BIRC6: variants seen among roughly 807,000 people sequenced by gnomAD.
BIRC6 encodes baculoviral IAP repeat containing 6, also known as dual E2 ubiquitin-conjugating enzyme/E3 ubiquitin-protein ligase BIRC6.
BIRC6 carries 98 observed loss-of-function variants against 503.3 expected under a neutral mutation model. That is an observed-to-expected ratio of 0.19 (90% confidence interval 0.17 to 0.23). The LOEUF is 0.23. Ranked by LOEUF, BIRC6 falls within the 10% of genes least tolerant of loss-of-function variation. The probability of loss-of-function intolerance (pLI) is 1.00; values close to 1 mark genes in which losing one functional copy is unlikely to be tolerated. For synonymous variants in BIRC6, 2,240 were observed against 2,078.7 expected, an observed-to-expected ratio of 1.08 and a Z score of -2.11; for missense variants, 5,360 against 5,806.0, an observed-to-expected ratio of 0.92 and a Z score of 2.50.
chr2:32,512,845 T>C, intron 53 of BIRC6, 88 bp from the exon 54 acceptor site: 1 of 952,520 alleles, frequency 1.0e-6, no homozygotes, highest in Non-Finnish European at 1.7e-6. Context: ...ATAAATACCC[T>C]ACTCACCATG....
intron 39 of BIRC6, among the ~76,000 whole-genome samples, chr2:32,483,132 G>C (rs1227150508): frequency 6.6e-6 from 1 of 152,008 alleles, no homozygotes; most frequent in Non-Finnish European, 1.5e-5. Flanking sequence ...GGCCAGGCTG[G>C]TCTCGAACTT....
At chr2:32,431,345 A>C (rs892777735) in intron 12 of BIRC6, among the ~76,000 whole-genome samples, 1 of 151,308 alleles carries the variant, frequency 6.6e-6, no homozygotes, top group Non-Finnish European at 1.5e-5. Flanking sequence ...ACAGGTGCGC[A>C]TCACCACGTC....
At chr2:32,558,971 A>G (rs1218735022) in intron 65 of BIRC6, 1 of 151,934 alleles carries the variant, frequency 6.6e-6, no homozygotes, top group Non-Finnish European at 1.5e-5. Context: ...GCTAATGTTT[A>G]TGGTTATTTC....
At position 32,543,227 on chromosome 2, in the gene BIRC6, T is replaced by C. The variant is rs560500196; in HGVS notation, c.12292-14T>C. 6.2e-7 allele frequency: 1 copy of C among 1,609,204 alleles called. No homozygotes were observed. The highest frequency in any genetic ancestry group is 1.3e-5 in the African/African-American group (1 of 74,852). On this transcript the variant is annotated splice_polypyrimidine_tract_variant and intron_variant, in intron 61 of 73. Transcript: ENST00000421745. Reference sequence around the variant, plus strand: ...AATGTGAATGGCCAAGCCAACACTTTTCTTTTTCTTTAGGTGAGTGCTCCA... The same window carrying C: ...AATGTGAATGGCCAAGCCAACACTTCTCTTTTTCTTTAGGTGAGTGCTCCA...
chr2:32,443,424 C>G lies in BIRC6; in HGVS notation c.4239-67C>G, dbSNP rs2045626194. On this transcript the variant is annotated intron_variant, in intron 19 of 73. Coordinates refer to ENST00000421745, the MANE Select transcript of BIRC6 (RefSeq NM_016252.4). ...TTTTAAAGATTTTTAGGTACCACAC[C>G]AGGTTTAGGGTTGAATTTAGACCTT... The G allele has an allele frequency of 5.6e-6, 6 of 1,075,184 alleles. No homozygotes were observed. The Admixed American group carries it at 1.3e-4, about 24-fold the overall frequency. The allele number at this position is 1,075,184 out of a possible 1,614,324, so 66.6% of individuals were successfully genotyped here.
At chr2:32,539,495 C>A (rs1559007379) in intron 61 of BIRC6, among the ~76,000 whole-genome samples, 1 of 152,152 alleles carries the variant, frequency 6.6e-6, no homozygotes, top group East Asian at 1.9e-4. Context: ...GTGACCACAT[C>A]AGAATTAAAT....
chr2:32,514,818 A>G (rs910178443), intron 54 of BIRC6, among the ~76,000 whole-genome samples, 172 bp from the exon 55 acceptor site: 4 of 152,030 alleles, frequency 2.6e-5, no homozygotes, highest in African/African-American at 4.8e-5. Context: ...AAATATATAT[A>G]TGTGTGTCTA....
intron 73 of BIRC6, among the ~76,000 whole-genome samples, chr2:32,615,818 A>G (rs2063191440): frequency 6.6e-6 from 1 of 151,996 alleles, no homozygotes. Context: ...TATTTTTTGT[A>G]GAGACGGGGT....
chr2:32,420,992 TTTG>T (rs2042888235), intron 10 of BIRC6, among the ~76,000 whole-genome samples: 1 of 151,810 alleles, frequency 6.6e-6, no homozygotes, highest in Non-Finnish European at 1.5e-5. Context: ...CATTTTTTTC[TTTG>T]TTATTTTTCT....
At chr2:32,525,708 A>G (rs1388680282) in intron 59 of BIRC6, 80 bp downstream of exon 59, 2 of 1,369,942 alleles carry the variant, frequency 1.5e-6, no homozygotes, top group Non-Finnish European at 2.0e-6. Flanking sequence ...AGTCACCAAA[A>G]TCATTTTAAT....
intron 65 of BIRC6, chr2:32,565,827 C>T (rs1453243725): frequency 1.3e-5 from 2 of 152,154 alleles, no homozygotes; most frequent in Non-Finnish European, 2.9e-5. Context: ...CAGAGCAACG[C>T]AGTGAGAGCC....
intron 24 of BIRC6, 98 bp from the exon 25 acceptor site, chr2:32,464,411 A>AATC: frequency 7.6e-7 from 1 of 1,319,264 alleles, no homozygotes; most frequent in Non-Finnish European, 1.0e-6. Flanking sequence ...TGATCAATTT[A>AATC]ATCATGTTTA....
chr2:32,389,610 C>G (rs1382406655), intron 4 of BIRC6, among the ~76,000 whole-genome samples: 9 of 152,324 alleles, frequency 5.9e-5, no homozygotes, highest in Admixed American at 1.3e-4. Context: ...GAGGTTCTTA[C>G]AAAAAGTACC....
intron 6 of BIRC6, among the ~76,000 whole-genome samples, chr2:32,398,436 TC>T (rs1236418052): frequency 2.0e-5 from 3 of 152,178 alleles, no homozygotes; most frequent in Non-Finnish European, 4.4e-5. Flanking sequence ...AAGAAATCTT[TC>T]GTGTTAATAG....
intron 23 of BIRC6, among the ~76,000 whole-genome samples, chr2:32,461,414 C>A (rs1488312193): frequency 1.4e-5 from 2 of 147,986 alleles, no homozygotes; most frequent in African/African-American, 2.5e-5. Flanking sequence ...CCATGTTGAC[C>A]AAGCTGGTCT....
intron 12 of BIRC6, among the ~76,000 whole-genome samples, chr2:32,433,408 A>T (rs2044354421): frequency 6.6e-6 from 1 of 152,204 alleles, no homozygotes; most frequent in African/African-American, 2.4e-5. Context: ...AGGAATAAGA[A>T]TGTATTGGTA....
At position 32,432,346 on chromosome 2, in the gene BIRC6, C is replaced by T. The variant is rs187654616; in HGVS notation, c.3248+1256C>T. ...CAGAGAATTGCTTGATCCTGGGAGG[C>T]GGAGGCTGCAGTAAGCCAAGATTAC... is the stretch of plus-strand genomic sequence containing the variant. On this transcript the variant is annotated intron_variant, in intron 12 of 73. Coordinates refer to ENST00000421745, the MANE Select transcript of BIRC6 (RefSeq NM_016252.4). 2.2e-4 allele frequency among the ~76,000 whole-genome samples: 33 copies of T among 152,152 alleles called. No individual in the cohort carries two copies. The East Asian group carries it at 5.4e-3, about 25-fold the overall frequency.
At chr2:32,483,019 G>A (rs1204144757) in intron 39 of BIRC6, among the ~76,000 whole-genome samples, 2 of 151,746 alleles carry the variant, frequency 1.3e-5, no homozygotes, top group Non-Finnish European at 2.9e-5. Context: ...CCAGGTCGAG[G>A]GGCTTCTCTT....
rs1437385494 is a variant in BIRC6, at chr2:32,464,727, T to C, written c.5160T>C (p.Ile1720=). The part of the protein sequence containing the change: ...TPPNEAVSVV[I]NAELAQLFPG... ...CCAATGAAGCAGTTTCCGTTGTGATTAATGCCGAACTTGCACAGCTTTTCC... is the reference window on the plus strand; with the variant it reads ...CCAATGAAGCAGTTTCCGTTGTGATCAATGCCGAACTTGCACAGCTTTTCC... Residue 1720 remains isoleucine, a synonymous_variant, in exon 25 of 74, where the codon ATT becomes ATC. Coordinates refer to ENST00000421745, the MANE Select transcript of BIRC6 (RefSeq NM_016252.4). 5.6e-6 allele frequency: 9 copies of C among 1,613,908 alleles called. No homozygotes were observed. Among genetic ancestry groups the C allele is most frequent in the Non-Finnish European group, 7.6e-6 (9 of 1,179,902 alleles).
Sources: gnomAD v4.1 joint callset for allele counts (sites outside exome capture counted in the v4.1 genomes callset) on GRCh38, gnomAD v4.1.1 for gene constraint, MANE v1.5 for transcripts, NCBI Gene and HGNC (gene_info 2026-07-23, HGNC 2026-07-21) for gene names.